The following SLC24A2 variants were observed in gnomAD, a reference collection of about 807,000 sequenced individuals.
SLC24A2 encodes the protein sodium/potassium/calcium exchanger 2.
A neutral mutation model predicts 62.0 loss-of-function variants in SLC24A2; 36 were observed. The ratio of observed to expected loss-of-function variants is 0.58; its 90% CI spans 0.44 to 0.77. The LOEUF (loss-of-function observed/expected upper bound fraction) is 0.77, where lower values mean the gene tolerates loss of function less well. Ranked by LOEUF, SLC24A2 falls within the 30% of genes least tolerant of loss-of-function variation. The pLI, the probability that SLC24A2 is intolerant of heterozygous loss-of-function variation, is 0.00. For missense variants in SLC24A2, 846 were observed against 817.9 expected (o/e 1.03, Z -0.42); for synonymous variants, 358 against 294.0 (o/e 1.22, Z -2.23).
the SLC24A2 span, among the ~76,000 whole-genome samples, chr9:20,078,064 T>C: frequency 6.7e-6 from 1 of 148,636 alleles, no homozygotes; most frequent in Non-Finnish European, 1.5e-5. Flanking sequence ...TGGGGGATAC[T>C]TTCTGGTACT....
chr9:20,029,240 C>G, the SLC24A2 span, among the ~76,000 whole-genome samples: 2 of 152,216 alleles, frequency 1.3e-5, no homozygotes, highest in Non-Finnish European at 2.9e-5. Context: ...CCATGCCTGG[C>G]TGGGGGACAG....
At chr9:19,562,316 C>A (rs1300975898) in intron 7 of SLC24A2, among the ~76,000 whole-genome samples, 3 of 152,148 alleles carry the variant, frequency 2.0e-5, no homozygotes, top group Non-Finnish European at 4.4e-5. Context: ...GATAGTATTT[C>A]TTTCCAGAGT....
the SLC24A2 span, among the ~76,000 whole-genome samples, chr9:19,817,656 A>G: frequency 6.6e-6 from 1 of 152,158 alleles, no homozygotes; most frequent in African/African-American, 2.4e-5. Context: ...TATAAAATAT[A>G]GAGTTTGATT....
At chr9:20,260,849 CTTTT>C in the SLC24A2 span, among the ~76,000 whole-genome samples, 1 of 90,280 alleles carries the variant, frequency 1.1e-5, no homozygotes, top group Admixed American at 1.5e-4. Flanking sequence ...ATCATTCTTT[CTTTT>C]TTTTTTTTTT....
chr9:20,116,278 G>T, the SLC24A2 span, among the ~76,000 whole-genome samples: 2 of 152,080 alleles, frequency 1.3e-5, no homozygotes, highest in African/African-American at 4.8e-5. Context: ...TTATTCAAAA[G>T]CTTTTGCTGT....
the SLC24A2 span, among the ~76,000 whole-genome samples, chr9:19,992,162 T>A: frequency 6.6e-6 from 1 of 152,212 alleles, no homozygotes; most frequent in Non-Finnish European, 1.5e-5. Context: ...TGTCAACATC[T>A]TTAAAAGCTT....
intron 2 of SLC24A2, among the ~76,000 whole-genome samples, chr9:19,721,841 G>C (rs1021970393): frequency 1.3e-5 from 2 of 152,062 alleles, no homozygotes; most frequent in Non-Finnish European, 2.9e-5. Flanking sequence ...TTTGTGTATT[G>C]ATAGAGAAAA....
chr9:20,038,628 CAAACAAAAA>C, the SLC24A2 span, among the ~76,000 whole-genome samples: 1 of 32,396 alleles, frequency 3.1e-5, no homozygotes, highest in African/African-American at 1.2e-4. Flanking sequence ...GTAAAAGAAA[CAAACAAAAA>C]AAAAAAAAAA....
chr9:19,620,496 C>T (rs967368550), intron 3 of SLC24A2, among the ~76,000 whole-genome samples: 1 of 152,188 alleles, frequency 6.6e-6, no homozygotes, highest in African/African-American at 2.4e-5. Flanking sequence ...GCACAAACTA[C>T]TAGTTGTGAT....
chr9:20,118,525 T>C, the SLC24A2 span, among the ~76,000 whole-genome samples: 1 of 152,116 alleles, frequency 6.6e-6, no homozygotes, highest in Admixed American at 6.6e-5. Flanking sequence ...TAAAAAACTA[T>C]TGATGCTGTT....
chr9:19,733,723 T>C (rs533612892), intron 2 of SLC24A2, among the ~76,000 whole-genome samples: 1 of 152,360 alleles, frequency 6.6e-6, no homozygotes, highest in Non-Finnish European at 1.5e-5. Context: ...TCTGGACCCC[T>C]GATTTTCTCA....
the SLC24A2 span, among the ~76,000 whole-genome samples, chr9:19,917,043 A>T: frequency 1.3e-5 from 1 of 74,242 alleles, no homozygotes; most frequent in Non-Finnish European, 2.5e-5. Flanking sequence ...ATTTTGACTT[A>T]TGGAAGCTTC....
chr9:20,190,789 A>G, the SLC24A2 span, among the ~76,000 whole-genome samples: 1 of 152,344 alleles, frequency 6.6e-6, no homozygotes, highest in Middle Eastern at 3.4e-3. Flanking sequence ...CAATTGTATG[A>G]CTTCGGGAAA....
chr9:20,153,827 T>C, the SLC24A2 span, among the ~76,000 whole-genome samples: 188 of 152,110 alleles, frequency 1.2e-3, 2 homozygotes, highest in South Asian at 0.022. Context: ...CTTGAGTAAT[T>C]TTTGTTTATT....
At chr9:20,217,507 G>A in the SLC24A2 span, among the ~76,000 whole-genome samples, 1 of 152,132 alleles carries the variant, frequency 6.6e-6, no homozygotes, top group Non-Finnish European at 1.5e-5. Context: ...TTAATTGACA[G>A]GAGGAATAAT....
At chr9:19,850,986 T>TATATAC in the SLC24A2 span, among the ~76,000 whole-genome samples, 3 of 32,080 alleles carry the variant, frequency 9.4e-5, no homozygotes, top group African/African-American at 2.1e-4. Context: ...TATATATATG[T>TATATAC]ATATATATAT....
At chr9:19,535,902 G>C (rs1233995280) in intron 8 of SLC24A2, among the ~76,000 whole-genome samples, 1 of 151,458 alleles carries the variant, frequency 6.6e-6, no homozygotes. Context: ...GCTTGATGGG[G>C]ACAGCATTGA....
the SLC24A2 span, among the ~76,000 whole-genome samples, chr9:20,034,451 G>GTT: frequency 1.9e-3 from 155 of 83,184 alleles, 7 homozygotes; most frequent in Non-Finnish European, 2.5e-3. Context: ...GGCCTTTTAA[G>GTT]TTTTTTTTTT....
chr9:19,632,421 G>C lies in SLC24A2; in HGVS notation c.931-10122C>G, dbSNP rs1028138156. On this transcript the variant is annotated intron_variant, in intron 2 of 10. Transcript: ENST00000341998. The surrounding 1 kb of genome is among the most constrained non-coding windows in gnomAD (Gnocchi z 4.5). ...TTTCTAGGTGCAGGGATAAAACAGT[G>C]ACCAAAATAGCCCAAATCCTTGCTT... 6.6e-6 allele frequency among the ~76,000 whole-genome samples: 1 copy of C among 152,140 alleles called. No homozygotes were observed. Among genetic ancestry groups the C allele is most frequent in the Admixed American group, 6.5e-5 (1 of 15,284 alleles).
Sources: allele counts gnomAD v4.1 joint callset (sites outside exome capture counted in the v4.1 genomes callset), GRCh38; gene constraint gnomAD v4.1.1; non-coding constraint Gnocchi (gnomAD v3.1); transcripts MANE v1.5; gene names NCBI Gene and HGNC (gene_info 2026-07-23, HGNC 2026-07-21).